The following RANBP17 variants were observed in gnomAD, a reference collection of about 807,000 sequenced individuals.
RANBP17 encodes ran-binding protein 17.
A neutral mutation model predicts 141.2 loss-of-function variants in RANBP17; 158 were observed. The ratio of observed to expected loss-of-function variants is 1.12; its 90% CI spans 0.98 to 1.28. The LOEUF is 1.28. Ranked by LOEUF, RANBP17 falls within the 50% of genes most tolerant of loss-of-function variation. The pLI, the probability that RANBP17 is intolerant of heterozygous loss-of-function variation, is 0.00. For missense variants in RANBP17, 1,438 were observed against 1,290.7 expected, an observed-to-expected ratio of 1.11 and a Z score of -1.75; for synonymous variants, 430 against 450.0, an observed-to-expected ratio of 0.96 and a Z score of 0.56.
chr5:171,234,545 A>G (rs956987910), intron 22 of RANBP17, among the ~76,000 whole-genome samples: 1 of 152,240 alleles, frequency 6.6e-6, no homozygotes, highest in Non-Finnish European at 1.5e-5. Flanking sequence ...GCAGTAATTC[A>G]GGCAAAGTTT....
At chr5:171,199,565 C>A in intron 18 of RANBP17, 105 bp from the exon 19 acceptor site, 1 of 604,512 alleles carries the variant, frequency 1.7e-6, no homozygotes, top group Non-Finnish European at 2.8e-6. Flanking sequence ...GCAGGCTGAC[C>A]CCTTCTCGGG....
At chr5:170,975,751 A>AT (rs1777321330) in intron 14 of RANBP17, among the ~76,000 whole-genome samples, 1 of 152,070 alleles carries the variant, frequency 6.6e-6, no homozygotes, top group South Asian at 2.1e-4. Flanking sequence ...AATTTCCCGC[A>AT]TTTTTTCTGC....
At chr5:170,961,064 C>T (rs10475555) in intron 13 of RANBP17, among the ~76,000 whole-genome samples, 93,122 of 152,124 alleles carry the variant, frequency 0.61, 29,885 homozygotes, top group South Asian at 0.88. Context: ...CTTTAGATGG[C>T]TACACATGCT....
intron 14 of RANBP17, among the ~76,000 whole-genome samples, chr5:171,023,703 C>T (rs979838824): frequency 6.6e-6 from 1 of 152,134 alleles, no homozygotes; most frequent in African/African-American, 2.4e-5. Context: ...TAGTTTCTGA[C>T]AAGAAGTCTG....
chr5:171,226,953 T>G (rs1041552855), intron 22 of RANBP17, among the ~76,000 whole-genome samples: 4 of 152,206 alleles, frequency 2.6e-5, no homozygotes, highest in African/African-American at 4.8e-5. Flanking sequence ...ATGATTTCTT[T>G]GTGTCTCTGA....
intron 11 of RANBP17, among the ~76,000 whole-genome samples, chr5:170,921,541 T>G (rs1464399716): frequency 6.6e-6 from 1 of 152,192 alleles, no homozygotes; most frequent in Non-Finnish European, 1.5e-5. Flanking sequence ...AGCTTTGTTC[T>G]TTTTGCTTAG....
chr5:170,919,106 T>G (rs1772220802), intron 10 of RANBP17, among the ~76,000 whole-genome samples: 1 of 151,872 alleles, frequency 6.6e-6, no homozygotes. Context: ...GAAATAAAAT[T>G]TTTACAGATT....
At chr5:170,988,358 A>G (rs1479426342) in intron 14 of RANBP17, among the ~76,000 whole-genome samples, 2 of 128,140 alleles carry the variant, frequency 1.6e-5, no homozygotes, top group Non-Finnish European at 3.3e-5. Context: ...TATTCCACCT[A>G]TCTTTTAGTG....
At chr5:171,199,340 G>A (rs1762163784) in intron 18 of RANBP17, among the ~76,000 whole-genome samples, 1 of 152,120 alleles carries the variant, frequency 6.6e-6, no homozygotes, top group Non-Finnish European at 1.5e-5. Context: ...CTGAGGCTTT[G>A]AAAGTGGTCT....
chr5:170,946,741 T>G (rs144313840), intron 12 of RANBP17, among the ~76,000 whole-genome samples: 3 of 152,286 alleles, frequency 2.0e-5, no homozygotes, highest in African/African-American at 7.2e-5. Flanking sequence ...ACAAAGCTTA[T>G]CTAACATGTG....
At position 171,170,193 on chromosome 5, in the gene RANBP17, A is replaced by G. The variant is rs1470921939; in HGVS notation, c.1774A>G (p.Met592Val). 1.3e-6 allele frequency: 2 copies of G among 1,558,098 alleles called. No homozygotes were observed. The change falls in exon 15 of 28, where the codon ATG (methionine) becomes GTG (valine). Residue 592 changes from methionine (M) to valine (V), a missense_variant. By Grantham distance (21) the Met-to-Val change is conservative (BLOSUM62 1). Transcript: ENST00000523189. ...TDDNHVLETF[M>V]TKIVTNLKYW... The stretch of plus-strand genomic sequence containing the variant: ...TGACAACCACGTTCTAGAGACGTTC[A>G]TGACAAAAATGTGAGTTCTTGTTTT...
intron 7 of RANBP17, 113 bp from the exon 8 acceptor site, chr5:170,914,054 A>G (rs1771747564): frequency 2.9e-6 from 2 of 688,898 alleles, no homozygotes; most frequent in South Asian, 3.3e-5. Context: ...CCTAACTGGA[A>G]GGAATGGCCA....
intron 25 of RANBP17, among the ~76,000 whole-genome samples, chr5:171,292,208 C>G (rs1156657402): frequency 6.6e-6 from 1 of 152,182 alleles, no homozygotes; most frequent in Admixed American, 6.5e-5. Flanking sequence ...GTCCTCTCCC[C>G]AGAGAGACTG....
At chr5:171,127,696 G>A (rs914795664) in intron 14 of RANBP17, among the ~76,000 whole-genome samples, 1 of 152,084 alleles carries the variant, frequency 6.6e-6, no homozygotes, top group South Asian at 2.1e-4. Flanking sequence ...TTATCAAAAA[G>A]ACAATAAATA....
At chr5:171,252,917 A>G (rs1223732050) in intron 24 of RANBP17, 2 of 1,465,194 alleles carry the variant, frequency 1.4e-6, no homozygotes, top group Non-Finnish European at 9.5e-7. Flanking sequence ...GAAGAAGTCT[A>G]CGGGCTGACA....
chr5:170,899,946 A>C (rs1436126491), intron 5 of RANBP17, among the ~76,000 whole-genome samples: 2 of 152,050 alleles, frequency 1.3e-5, no homozygotes, highest in East Asian at 1.9e-4. Flanking sequence ...TTTTGAGTTG[A>C]TGTTCATCAG....
chr5:171,046,331 C>G (rs1005062663), intron 14 of RANBP17, among the ~76,000 whole-genome samples: 2 of 151,700 alleles, frequency 1.3e-5, no homozygotes, highest in South Asian at 4.2e-4. Flanking sequence ...GCCTCAGCCT[C>G]CCGAGTAGCT....
intron 21 of RANBP17, among the ~76,000 whole-genome samples, chr5:171,216,986 G>A (rs1213921209): frequency 6.6e-6 from 1 of 152,170 alleles, no homozygotes; most frequent in Non-Finnish European, 1.5e-5. Context: ...GTTGTCTTGT[G>A]CTGGTTTTCA....
chr5:171,127,566 CA>C (rs1274151550), intron 14 of RANBP17, among the ~76,000 whole-genome samples: 1 of 151,984 alleles, frequency 6.6e-6, no homozygotes, highest in East Asian at 1.9e-4. Context: ...AGACATTTCT[CA>C]AAGAAGACAT....
Sources: gnomAD v4.1 joint callset for allele counts (sites outside exome capture counted in the v4.1 genomes callset) on GRCh38, gnomAD v4.1.1 for gene constraint, MANE v1.5 for transcripts, NCBI Gene and HGNC (gene_info 2026-07-23, HGNC 2026-07-21) for gene names.